Variants in MAF observed in about 807,000 individuals in gnomAD.
MAF encodes MAF bZIP transcription factor, also known as transcription factor Maf.
In MAF, 10 loss-of-function variants were observed where a neutral mutation model predicts 22.0. The observed-to-expected ratio is 0.45, with a 90% confidence interval of 0.28 to 0.77. MAF has a LOEUF of 0.77. MAF is among the 30% of genes least tolerant of loss of function. MAF has a pLI of 0.12. For synonymous variants in MAF, 337 were observed against 255.8 expected (o/e 1.32, Z -3.03); for missense variants, 544 against 548.4 (o/e 0.99, Z 0.08).
downstream of MAF, among the ~76,000 whole-genome samples, chr16:79,593,574 CTG>C (rs1913311153): frequency 6.6e-6 from 1 of 152,290 alleles, no homozygotes; most frequent in African/African-American, 2.4e-5. Context: ...TCGGAGGGGT[CTG>C]TGTTGAAAGA....
At chr16:79,518,582 T>G in the MAF span, among the ~76,000 whole-genome samples, 1 of 152,230 alleles carries the variant, frequency 6.6e-6, no homozygotes, top group African/African-American at 2.4e-5. Context: ...GGAAAGTTAC[T>G]TGGCCCCTTG....
At chr16:79,493,688 G>A in the MAF span, among the ~76,000 whole-genome samples, 3 of 152,210 alleles carry the variant, frequency 2.0e-5, no homozygotes, top group Non-Finnish European at 4.4e-5. Flanking sequence ...AGACAAAAGA[G>A]TTGATAAAAG....
downstream of MAF, among the ~76,000 whole-genome samples, chr16:79,591,743 C>G (rs986910155): frequency 6.6e-6 from 1 of 152,096 alleles, no homozygotes; most frequent in African/African-American, 2.4e-5. Flanking sequence ...AGAGGGCCTT[C>G]GAATTTAAAC....
chr16:79,567,059 C>G, the MAF span, among the ~76,000 whole-genome samples: 9 of 152,218 alleles, frequency 5.9e-5, no homozygotes, highest in African/African-American at 2.2e-4. Flanking sequence ...GTGGCTCACG[C>G]CTGTAATGCC....
chr16:79,417,091 C>A, the MAF span, among the ~76,000 whole-genome samples: 49 of 152,150 alleles, frequency 3.2e-4, no homozygotes, highest in Non-Finnish European at 4.9e-4. Context: ...TTTATGCCTT[C>A]TTTTAGCAAA....
intron 1 of MAF, chr16:79,597,938 C>T: frequency 3.8e-6 from 4 of 1,040,618 alleles, no homozygotes; most frequent in Non-Finnish European, 4.6e-6. Flanking sequence ...ACTAAACTCT[C>T]AGATTTGGCA....
chr16:79,247,987 C>T, the MAF span, among the ~76,000 whole-genome samples: 1 of 149,798 alleles, frequency 6.7e-6, no homozygotes, highest in Non-Finnish European at 1.5e-5. Context: ...TCTTACTTTA[C>T]CCACCCAGTT....
chr16:79,572,662 T>C, the MAF span, among the ~76,000 whole-genome samples: 1 of 152,188 alleles, frequency 6.6e-6, no homozygotes, highest in East Asian at 1.9e-4. Flanking sequence ...AGTTCATTCC[T>C]CTCTTGAGTT....
At chr16:79,449,436 G>T in the MAF span, among the ~76,000 whole-genome samples, 20 of 152,334 alleles carry the variant, frequency 1.3e-4, no homozygotes, top group South Asian at 3.7e-3. Context: ...AACAGAACCC[G>T]CAATAGCTGT....
chr16:79,539,888 A>AT, the MAF span, among the ~76,000 whole-genome samples: 10 of 152,056 alleles, frequency 6.6e-5, no homozygotes, highest in East Asian at 3.9e-4. Context: ...AAAAATGGTG[A>AT]TTTTTTTCTC....
the MAF span, among the ~76,000 whole-genome samples, chr16:79,428,105 A>AAAAG: frequency 6.6e-6 from 1 of 151,356 alleles, no homozygotes; most frequent in Admixed American, 6.6e-5. Flanking sequence ...TTAAAAAAAA[A>AAAAG]AAAAAAAAAA....
the MAF span, among the ~76,000 whole-genome samples, chr16:79,277,591 CAG>C: frequency 6.6e-6 from 1 of 152,112 alleles, no homozygotes; most frequent in Admixed American, 6.5e-5. Context: ...TATCTGCTAA[CAG>C]AGGAGAAAAA....
At chr16:79,302,248 G>A in the MAF span, among the ~76,000 whole-genome samples, 1 of 152,224 alleles carries the variant, frequency 6.6e-6, no homozygotes, top group African/African-American at 2.4e-5. Context: ...CAGTGAGTTG[G>A]AGACACAAAG....
the MAF span, among the ~76,000 whole-genome samples, chr16:79,448,906 G>A: frequency 6.6e-6 from 1 of 152,128 alleles, no homozygotes; most frequent in African/African-American, 2.4e-5. Context: ...GTTTGGGGAT[G>A]CTTCAAGCAC....
At chr16:79,278,270 T>C in the MAF span, among the ~76,000 whole-genome samples, 1 of 152,348 alleles carries the variant, frequency 6.6e-6, no homozygotes, top group East Asian at 1.9e-4. Context: ...AAGTGAATCT[T>C]TAGCAAAATC....
the MAF span, among the ~76,000 whole-genome samples, chr16:79,372,348 T>C: frequency 6.6e-6 from 1 of 152,156 alleles, no homozygotes; most frequent in Admixed American, 6.5e-5. Context: ...TGTTAAAAAA[T>C]GAATCCAAAC....
the MAF span, among the ~76,000 whole-genome samples, chr16:79,450,413 G>A: frequency 6.6e-6 from 1 of 152,186 alleles, no homozygotes; most frequent in South Asian, 2.1e-4. Flanking sequence ...AATTCCAAGT[G>A]TTAGACAAAT....
chr16:79,404,310 C>T, the MAF span, among the ~76,000 whole-genome samples: 3 of 151,934 alleles, frequency 2.0e-5, no homozygotes, highest in Non-Finnish European at 4.4e-5. Context: ...ACTACAGGTG[C>T]CCACCACCAC....
chr16:79,317,137 C>G, the MAF span, among the ~76,000 whole-genome samples: 2 of 150,486 alleles, frequency 1.3e-5, no homozygotes, highest in Non-Finnish European at 3.0e-5. Context: ...CTCTCCCTCC[C>G]TCCTTCCCTC....
Sources: gnomAD v4.1 joint callset for allele counts (sites outside exome capture counted in the v4.1 genomes callset) on GRCh38, gnomAD v4.1.1 for gene constraint, MANE v1.5 for transcripts, NCBI Gene and HGNC (gene_info 2026-07-23, HGNC 2026-07-21) for gene names.